Variants in SND1 observed in about 807,000 individuals in gnomAD.
The protein encoded by SND1 is staphylococcal nuclease and tudor domain containing 1.
A neutral mutation model predicts 121.7 loss-of-function variants in SND1; 38 were observed. That is an observed-to-expected ratio of 0.31 (90% CI 0.24 to 0.41). SND1 has a LOEUF of 0.41. SND1 is among the 10% of genes least tolerant of loss of function. SND1 has a pLI of 1.00. For synonymous variants in SND1, 401 were observed against 447.4 expected (o/e 0.90, Z 1.31); for missense variants, 868 against 1,184.6 (o/e 0.73, Z 3.92).
chr7:127,748,161 G>A (rs190890636), intron 10 of SND1, among the ~76,000 whole-genome samples: 1 of 152,334 alleles, frequency 6.6e-6, no homozygotes, highest in East Asian at 1.9e-4. Flanking sequence ...ATCATTCCAT[G>A]TTGTCTCCAC....
intron 2 of SND1, among the ~76,000 whole-genome samples, chr7:127,690,880 G>T (rs780051072): frequency 9.2e-5 from 14 of 152,136 alleles, no homozygotes; most frequent in Non-Finnish European, 1.8e-4. Context: ...ATCTTCACAT[G>T]ATTATTCTTT....
chr7:127,752,878 T>C (rs780940760), intron 10 of SND1, among the ~76,000 whole-genome samples: 1 of 152,202 alleles, frequency 6.6e-6, no homozygotes, highest in Non-Finnish European at 1.5e-5. Flanking sequence ...AAAGGCCAGG[T>C]TATGTTTACT....
At chr7:127,838,168 C>CA (rs1171371399) in intron 11 of SND1, among the ~76,000 whole-genome samples, 1 of 152,052 alleles carries the variant, frequency 6.6e-6, no homozygotes, top group African/African-American at 2.4e-5. Context: ...AGGGGTGACT[C>CA]AAAGGACGGA....
intron 9 of SND1, among the ~76,000 whole-genome samples, chr7:127,713,771 T>A (rs1318406999): frequency 6.6e-6 from 1 of 152,252 alleles, no homozygotes; most frequent in East Asian, 1.9e-4. Flanking sequence ...ATGTGGCCTA[T>A]TGAGAGACTG....
intron 14 of SND1, among the ~76,000 whole-genome samples, chr7:127,913,152 C>T (rs1264910541): frequency 6.6e-6 from 1 of 152,196 alleles, no homozygotes; most frequent in African/African-American, 2.4e-5. Context: ...AGGTGGAGCA[C>T]TGTTAAGAGA....
At chr7:127,912,756 G>A (rs747819676) in intron 14 of SND1, among the ~76,000 whole-genome samples, 19 of 152,038 alleles carry the variant, frequency 1.2e-4, no homozygotes, top group Non-Finnish European at 2.1e-4. Context: ...GTAGAAGCAA[G>A]AGAAATACAA....
At chr7:127,715,279 A>G (rs1200110959) in intron 9 of SND1, among the ~76,000 whole-genome samples, 1 of 151,718 alleles carries the variant, frequency 6.6e-6, no homozygotes, top group African/African-American at 2.4e-5. Context: ...GTGCATTTGC[A>G]TATCTTCTTT....
chr7:128,074,071 G>T (rs1240202391), intron 16 of SND1, among the ~76,000 whole-genome samples: 1 of 152,128 alleles, frequency 6.6e-6, no homozygotes, highest in Non-Finnish European at 1.5e-5. Flanking sequence ...AATTCATTCA[G>T]CTCTACCAGG....
chr7:127,933,705 T>G (rs1333318698), intron 15 of SND1, among the ~76,000 whole-genome samples: 1 of 152,228 alleles, frequency 6.6e-6, no homozygotes, highest in Non-Finnish European at 1.5e-5. Context: ...AGAGTTAGTG[T>G]TTTTATAACT....
chr7:127,748,492 A>G (rs1431729120), intron 10 of SND1, among the ~76,000 whole-genome samples: 1 of 152,202 alleles, frequency 6.6e-6, no homozygotes, highest in Non-Finnish European at 1.5e-5. Flanking sequence ...AAATCAAGAT[A>G]CCCTAATAGT....
chr7:127,672,621 A>G (rs1795540467), intron 1 of SND1, among the ~76,000 whole-genome samples: 2 of 152,042 alleles, frequency 1.3e-5, no homozygotes, highest in Non-Finnish European at 2.9e-5. Flanking sequence ...TCAAAAAAAA[A>G]AAAGAAAGAA....
intron 10 of SND1, among the ~76,000 whole-genome samples, chr7:127,773,732 G>C (rs1797561616): frequency 1.3e-5 from 2 of 152,178 alleles, no homozygotes; most frequent in Non-Finnish European, 2.9e-5. Context: ...CCTCGCAGAA[G>C]AGATCTTAAA....
intron 9 of SND1, among the ~76,000 whole-genome samples, chr7:127,717,442 A>G (rs1425399640): frequency 6.6e-6 from 1 of 152,012 alleles, no homozygotes; most frequent in Non-Finnish European, 1.5e-5. Context: ...AAGTTGTCTG[A>G]TGCCTGATTT....
At position 127,844,312 on chromosome 7, in the gene SND1, C is replaced by G; in HGVS notation, c.1243-12C>G. 6.2e-7 allele frequency: 1 copy of G among 1,610,662 alleles called. No individual in the cohort carries two copies. The highest frequency in any genetic ancestry group is 1.1e-5 in the South Asian group (1 of 90,584). ...ACTCTCAACCCTAATTCCCTTGATT[C>G]TTTGTTTCCAGGTCAATGTGACGGT... On this transcript the variant is annotated splice_polypyrimidine_tract_variant and intron_variant, in intron 11 of 23. Transcript: ENST00000354725.
intron 15 of SND1, among the ~76,000 whole-genome samples, chr7:127,989,008 G>C (rs1802460143): frequency 6.6e-6 from 1 of 152,218 alleles, no homozygotes; most frequent in Non-Finnish European, 1.5e-5. Flanking sequence ...AAAAAGAAAA[G>C]TGTTTTTGGC....
In SND1 at chr7:128,018,958, A is replaced by G. The variant is rs77253747; in HGVS notation, c.1779+27902A>G. Among the ~76,000 whole-genome samples the G allele has an allele frequency of 1.4e-4, 22 of 152,298 alleles. No homozygotes were observed. In the East Asian group the frequency reaches 4.2e-3, roughly 29 times the overall value. On this transcript the variant is annotated intron_variant, in intron 16 of 23. Coordinates refer to ENST00000354725, the MANE Select transcript of SND1 (RefSeq NM_014390.4). ...TCTGTCCTGGAAATGACCAGTATTT[A>G]GGGACCTGAAATTGAATCCCTTACC...
chr7:128,004,332 G>C (rs1341595316), intron 16 of SND1, among the ~76,000 whole-genome samples: 1 of 152,110 alleles, frequency 6.6e-6, no homozygotes, highest in East Asian at 1.9e-4. Flanking sequence ...GGTTTCTAAG[G>C]ACACCCAGAC....
intron 10 of SND1, among the ~76,000 whole-genome samples, chr7:127,757,056 T>C (rs1266103221): frequency 6.6e-6 from 1 of 152,152 alleles, no homozygotes; most frequent in East Asian, 1.9e-4. Flanking sequence ...AATCAAGACA[T>C]AGAAAATTTT....
At chr7:127,810,513 A>G (rs753870962) in intron 11 of SND1, among the ~76,000 whole-genome samples, 2 of 152,196 alleles carry the variant, frequency 1.3e-5, no homozygotes, top group Non-Finnish European at 2.9e-5. Flanking sequence ...CAGGCTCATC[A>G]TGAAATGGAA....
Sources: allele counts gnomAD v4.1 joint callset (sites outside exome capture counted in the v4.1 genomes callset), GRCh38; gene constraint gnomAD v4.1.1; transcripts MANE v1.5; gene names NCBI Gene and HGNC (gene_info 2026-07-23, HGNC 2026-07-21).